PRRC2C: variants seen among roughly 807,000 people sequenced by gnomAD.
The protein encoded by PRRC2C is proline rich coiled-coil 2C.
PRRC2C carries 72 observed loss-of-function variants against 317.2 expected under a neutral mutation model. That is an observed-to-expected ratio of 0.23 (90% confidence interval 0.19 to 0.28). The LOEUF is 0.28. PRRC2C is among the 10% of genes least tolerant of loss of function. The pLI is 1.00. For missense variants in PRRC2C, 3,074 were observed against 3,459.7 expected (o/e 0.89, Z 2.80); for synonymous variants, 1,296 against 1,205.9 (o/e 1.07, Z -1.55).
chr1:171,549,116 T>TA (rs757022963), intron 17 of PRRC2C, among the ~76,000 whole-genome samples: 2 of 152,226 alleles, frequency 1.3e-5, no homozygotes, highest in Non-Finnish European at 2.9e-5. Flanking sequence ...ACAGAGACAT[T>TA]AAGAGTCATA....
chr1:171,579,710 G>A (rs1648070313), intron 27 of PRRC2C, 118 bp from the exon 28 acceptor site: 1 of 1,310,006 alleles, frequency 7.6e-7, no homozygotes, highest in Non-Finnish European at 1.0e-6. Context: ...TTAAAATGGA[G>A]CTGATATATA....
intron 17 of PRRC2C, among the ~76,000 whole-genome samples, chr1:171,547,182 A>G (rs751131293): frequency 9.9e-5 from 15 of 152,192 alleles, no homozygotes; most frequent in Non-Finnish European, 1.9e-4. Context: ...AAATTAAGCT[A>G]TTCATTTCAA....
chr1:171,533,967 G>A (rs1379149892), intron 12 of PRRC2C, among the ~76,000 whole-genome samples: 3 of 152,216 alleles, frequency 2.0e-5, no homozygotes, highest in East Asian at 1.9e-4. Context: ...TAGAAATGCA[G>A]TTTTATTTCA....
intron 20 of PRRC2C, among the ~76,000 whole-genome samples, chr1:171,564,225 CGTTA>C (rs1016089734): frequency 6.6e-5 from 10 of 152,076 alleles, no homozygotes; most frequent in African/African-American, 2.4e-4. Context: ...AAGTTATCAA[CGTTA>C]GTTACACCAA....
rs761003903 is a variant in PRRC2C at position 171,541,546 on chromosome 1, T to C, written c.4080T>C (p.Arg1360=). 1 of 1,613,250 alleles carries C rather than the reference T, an allele frequency of 6.2e-7. No individual in the cohort carries two copies. The highest frequency in any genetic ancestry group is 8.5e-7 in the Non-Finnish European group (1 of 1,179,722). ...GTGGTGGAAGGGATCCTGGAGGCCG[T>C]CCATCACGCCCTTCCACTTTACGAA... ...FRRGGRDPGG[R]PSRPSTLRRP... is the part of the protein sequence containing the mutation. The change falls in exon 16 of 35, where the codon CGT becomes CGC. Residue 1360 remains arginine, a synonymous_variant. Transcript: ENST00000647382. This position sits in a 1 kb window ranked among gnomAD's most constrained non-coding sequence, Gnocchi z 4.1.
intron 22 of PRRC2C, among the ~76,000 whole-genome samples, chr1:171,567,051 A>T (rs919465687): frequency 2.6e-5 from 4 of 152,298 alleles, no homozygotes; most frequent in South Asian, 2.1e-4. Flanking sequence ...GAGGAAATTT[A>T]CTCTGAATTC....
chr1:171,520,104 A>G (rs1673267684), intron 6 of PRRC2C, among the ~76,000 whole-genome samples: 1 of 152,174 alleles, frequency 6.6e-6, no homozygotes, highest in Non-Finnish European at 1.5e-5. Context: ...CTGGGATTAC[A>G]GGGGCACGCC....
In PRRC2C at chr1:171,532,628, G is replaced by A. The variant is rs1316067587; in HGVS notation, c.1540G>A (p.Glu514Lys). 1.9e-6 allele frequency: 3 copies of A among 1,552,320 alleles called. No individual in the cohort carries two copies. Among genetic ancestry groups the A allele is most frequent in the Non-Finnish European group, 2.6e-6 (3 of 1,147,366 alleles). Reference sequence around the variant, plus strand: ...AATTAGGGAAAGGGAGCGAGAAAAAGAACGGGAGCGTGAGAAAGAACTTGA... The same window carrying A: ...AATTAGGGAAAGGGAGCGAGAAAAAAAACGGGAGCGTGAGAAAGAACTTGA... ...EEIREREREK[E>K]REREKELEKE... is the part of the protein sequence containing the mutation. Residue 514 changes from glutamate to lysine, a missense_variant, in exon 12 of 35, where the codon GAA becomes AAA. Around this residue, in one of 11 missense-constraint regions of PRRC2C, gnomAD observed 1,320 missense variants for 1,395.7 expected, o/e 0.95. Coordinates refer to ENST00000647382, the MANE Select transcript of PRRC2C (RefSeq NM_001387844.1).
chr1:171,528,464 G>GTTT (rs879405802), intron 11 of PRRC2C, among the ~76,000 whole-genome samples: 1 of 150,562 alleles, frequency 6.6e-6, no homozygotes, highest in Non-Finnish European at 1.5e-5. Context: ...AATTTTTTGT[G>GTTT]TTTTTTTTAG....
chr1:171,486,180 T>C (rs2101986854), intron 1 of PRRC2C, among the ~76,000 whole-genome samples: 1 of 150,310 alleles, frequency 6.7e-6, no homozygotes, highest in East Asian at 2.0e-4. Context: ...GCCGGGGCTT[T>C]CACTGTCTAC....
chr1:171,562,597 G>A (rs1682910288), intron 20 of PRRC2C, among the ~76,000 whole-genome samples: 1 of 152,222 alleles, frequency 6.6e-6, no homozygotes, highest in South Asian at 2.1e-4. Context: ...AGTGTTAAAT[G>A]GAGTATGAGA....
chr1:171,535,496 G>A lies in PRRC2C; in HGVS notation c.1942G>A (p.Glu648Lys), dbSNP rs1012688110. The change falls in exon 13 of 35, where the codon GAA becomes AAA. Residue 648 changes from glutamate to lysine, a missense_variant. Glu to Lys is a moderately conservative substitution (Grantham distance 56). This residue lies in a region of PRRC2C where 1,320 missense variants were observed against 1,395.7 expected (regional missense o/e 0.95). Transcript: ENST00000647382. ...SEKEATPVVH[E>K]TEPESGSQPR... ...AAAGGAAGCCACACCAGTGGTGCAT[G>A]AAACAGAACCAGAATCAGGGTCTCA... is the stretch of plus-strand genomic sequence containing the variant. The A allele has an allele frequency of 1.9e-6, 3 of 1,613,896 alleles. No homozygotes were observed. In the African/African-American group the frequency reaches 4.0e-5, roughly 22 times the overall value.
At position 171,585,316 on chromosome 1, in the gene PRRC2C, G is replaced by C. The variant is rs549167142; in HGVS notation, c.7749+790G>C. ...CAACAGTGTGGCAGACTGTGATCGA[G>C]CATAAATGACAAACACTTTCTTAAG... On this transcript the variant is annotated intron_variant, in intron 30 of 34. Transcript: ENST00000647382. Among the ~76,000 whole-genome samples the C allele has an allele frequency of 2.0e-5, 3 of 152,266 alleles. No individual in the cohort carries two copies. In the South Asian group the frequency reaches 6.2e-4, roughly 32 times the overall value.
intron 16 of PRRC2C, among the ~76,000 whole-genome samples, chr1:171,542,887 A>G (rs543624331): frequency 2.0e-5 from 3 of 151,846 alleles, no homozygotes; most frequent in Admixed American, 2.0e-4. Context: ...CAGCCTCCCA[A>G]GTAGCTGGGA....
intron 21 of PRRC2C, 74 bp from the exon 22 acceptor site, chr1:171,566,518 C>A: frequency 6.7e-7 from 1 of 1,482,858 alleles, no homozygotes; most frequent in Non-Finnish European, 9.0e-7. Flanking sequence ...TAATGAATAT[C>A]TTTGATCATG....
chr1:171,518,034 C>T (rs1229235590), intron 6 of PRRC2C, among the ~76,000 whole-genome samples: 4 of 152,162 alleles, frequency 2.6e-5, no homozygotes, highest in African/African-American at 7.2e-5. Flanking sequence ...AACGTTACCA[C>T]GCAGTGTTTC....
intron 9 of PRRC2C, among the ~76,000 whole-genome samples, chr1:171,524,012 G>C (rs1674093740): frequency 6.6e-6 from 1 of 151,650 alleles, no homozygotes; most frequent in African/African-American, 2.4e-5. Context: ...CTCCAGTCTG[G>C]GTGACAGAGC....
Position 171,532,481 on chromosome 1 carries a change from C to A in PRRC2C, c.1393C>A (p.Arg465Ser). The A allele has an allele frequency of 6.2e-7, 1 of 1,612,600 alleles. No homozygotes were observed. Among genetic ancestry groups the A allele is most frequent in the South Asian group, 1.1e-5 (1 of 90,752 alleles). Residue 465 changes from arginine (R) to serine (S), a missense_variant, in exon 12 of 35, where the codon CGT (arginine) becomes AGT (serine). Arg to Ser is a moderately radical substitution (Grantham distance 110). Coordinates refer to ENST00000647382, the MANE Select transcript of PRRC2C (RefSeq NM_001387844.1). ...AATTTCTGCAGCAGTAGAACGTGCT[C>A]GTAAACGGCGTGAAGAGGAAGAGCG... is the stretch of plus-strand genomic sequence containing the variant. ...SEISAAVERA[R>S]KRREEEERRM...
intron 25 of PRRC2C, among the ~76,000 whole-genome samples, chr1:171,575,356 T>C (rs1397037079): frequency 1.3e-5 from 2 of 152,200 alleles, no homozygotes; most frequent in Admixed American, 1.3e-4. Flanking sequence ...ACCTTTTGAT[T>C]GTCATTTTTT....
Sources: allele counts gnomAD v4.1 joint callset (sites outside exome capture counted in the v4.1 genomes callset), GRCh38; gene constraint gnomAD v4.1.1; regional missense constraint gnomAD v4.1.1; non-coding constraint Gnocchi (gnomAD v3.1); transcripts MANE v1.5; gene names NCBI Gene and HGNC (gene_info 2026-07-23, HGNC 2026-07-21).